Variants in GRK5 observed in about 807,000 individuals in gnomAD.
GRK5 encodes g protein-coupled receptor kinase GRK5.
In GRK5, 40 loss-of-function variants were observed where a neutral mutation model predicts 78.4. That is an observed-to-expected ratio of 0.51 (90% CI 0.40 to 0.66). GRK5 has a LOEUF of 0.66. Among genes scored for constraint, GRK5 ranks in the 30% least tolerant of loss-of-function variants. GRK5 has a pLI of 0.00. For missense variants in GRK5, 598 were observed against 759.9 expected, an observed-to-expected ratio of 0.79 and a Z score of 2.50; for synonymous variants, 289 against 296.8, an observed-to-expected ratio of 0.97 and a Z score of 0.27.
rs1353172322 is a variant in GRK5 at position 119,412,247 on chromosome 10, C to T, written c.340-10919C>T. Reference sequence around the variant, plus strand: ...CAAAAGAGGCACAGTGAGAGCCTTCCAGCCTCGATCACAAGGACCTCTACC... The same window carrying T: ...CAAAAGAGGCACAGTGAGAGCCTTCTAGCCTCGATCACAAGGACCTCTACC... On this transcript the variant is annotated intron_variant, in intron 4 of 15. Coordinates refer to ENST00000392870, the MANE Select transcript of GRK5 (RefSeq NM_005308.3). This position sits in a 1 kb window ranked among gnomAD's most constrained non-coding sequence, Gnocchi z 4.3. 6.6e-6 allele frequency among the ~76,000 whole-genome samples: 1 copy of T among 152,208 alleles called. No homozygotes were observed. The highest frequency in any genetic ancestry group is 2.4e-5 in the African/African-American group (1 of 41,452).
At chr10:119,284,180 G>A (rs1265343968) in intron 1 of GRK5, among the ~76,000 whole-genome samples, 4 of 152,106 alleles carry the variant, frequency 2.6e-5, no homozygotes, top group Non-Finnish European at 5.9e-5. Context: ...ATAAACGTGA[G>A]CCTCTTATGA....
intron 1 of GRK5, among the ~76,000 whole-genome samples, chr10:119,282,727 G>A (rs1217063920): frequency 6.6e-6 from 1 of 152,244 alleles, no homozygotes; most frequent in Non-Finnish European, 1.5e-5. Flanking sequence ...CTGGAGTGGA[G>A]GTGAGATCCC....
chr10:119,444,937 C>T (rs1437793817), intron 12 of GRK5, among the ~76,000 whole-genome samples: 4 of 152,240 alleles, frequency 2.6e-5, no homozygotes, highest in African/African-American at 7.2e-5. Flanking sequence ...GCGCCGCAAG[C>T]GGCCCCAGGA....
At chr10:119,442,472 G>A (rs1342036386) in intron 11 of GRK5, among the ~76,000 whole-genome samples, 3 of 152,212 alleles carry the variant, frequency 2.0e-5, no homozygotes, top group East Asian at 1.9e-4. Context: ...TGAGAGGCGC[G>A]CACAGCTGCT....
At chr10:119,394,312 ACGTGGGTGTGTGTATCTG>A (rs1851968459) in intron 3 of GRK5, among the ~76,000 whole-genome samples, 1 of 2,804 alleles carries the variant, frequency 3.6e-4, no homozygotes, top group East Asian at 0.019. Flanking sequence ...CTGTGTGGGC[ACGTGGGTGTGTGTATCTG>A]TGTGTCTGTG....
intron 2 of GRK5, among the ~76,000 whole-genome samples, chr10:119,363,188 G>A (rs1196515259): frequency 6.6e-6 from 1 of 151,992 alleles, no homozygotes; most frequent in African/African-American, 2.4e-5. Context: ...GGCTGAGGCA[G>A]GAGAATCGCT....
intron 1 of GRK5, among the ~76,000 whole-genome samples, chr10:119,261,078 G>GGGGGGCT (rs1849382803): frequency 7.1e-6 from 1 of 141,668 alleles, no homozygotes; most frequent in African/African-American, 2.6e-5. Context: ...CTGGCCGGGC[G>GGGGGGCT]GAGACGCTCC....
chr10:119,270,605 C>A (rs1233406607), intron 1 of GRK5, among the ~76,000 whole-genome samples: 2 of 152,238 alleles, frequency 1.3e-5, no homozygotes, highest in Non-Finnish European at 2.9e-5. Context: ...TTGTTCACCT[C>A]CATGACAGGC....
chr10:119,276,536 T>C (rs1020189474), intron 1 of GRK5, among the ~76,000 whole-genome samples: 8 of 152,332 alleles, frequency 5.3e-5, no homozygotes, highest in African/African-American at 1.9e-4. Flanking sequence ...GTCTTTGCTA[T>C]TGTGAATAGT....
At chr10:119,404,099 G>T (rs1161486918) in intron 4 of GRK5, among the ~76,000 whole-genome samples, 1 of 152,140 alleles carries the variant, frequency 6.6e-6, no homozygotes, top group East Asian at 1.9e-4. Context: ...GGAACTGCTG[G>T]GCTGTTCTTC....
intron 2 of GRK5, among the ~76,000 whole-genome samples, chr10:119,357,205 A>C (rs999214578): frequency 6.6e-6 from 1 of 152,234 alleles, no homozygotes; most frequent in African/African-American, 2.4e-5. Flanking sequence ...CTGGGTAAGG[A>C]ATAACTGTAA....
chr10:119,325,527 C>T (rs1850660524), intron 1 of GRK5, among the ~76,000 whole-genome samples: 1 of 152,178 alleles, frequency 6.6e-6, no homozygotes, highest in African/African-American at 2.4e-5. Flanking sequence ...AACCAAGGGG[C>T]ACAAAGGGCT....
At chr10:119,294,090 C>CATGT (rs1249806976) in intron 1 of GRK5, among the ~76,000 whole-genome samples, 1 of 152,096 alleles carries the variant, frequency 6.6e-6, no homozygotes, top group Non-Finnish European at 1.5e-5. Flanking sequence ...TGAGGAGACG[C>CATGT]ATGTGTATTT....
intron 1 of GRK5, among the ~76,000 whole-genome samples, chr10:119,304,512 G>A (rs937279019): frequency 1.1e-4 from 16 of 152,024 alleles, no homozygotes; most frequent in Middle Eastern, 3.2e-3. Context: ...GCATTTCCCC[G>A]TCATTCCTCA....
At chr10:119,380,782 G>T (rs1291839642) in intron 2 of GRK5, 33 bp from the exon 3 acceptor site, 12 of 1,380,114 alleles carry the variant, frequency 8.7e-6, no homozygotes, top group Non-Finnish European at 1.2e-5. Context: ...CCTTCTCCTG[G>T]GTCTCATCAC....
At chr10:119,256,095 A>G (rs1849278653) in intron 1 of GRK5, among the ~76,000 whole-genome samples, 1 of 152,066 alleles carries the variant, frequency 6.6e-6, no homozygotes, top group Admixed American at 6.5e-5. Flanking sequence ...AGACACCGAG[A>G]CTTGGTATTG....
chr10:119,314,017 C>G (rs1260040530), intron 1 of GRK5, among the ~76,000 whole-genome samples: 1 of 152,242 alleles, frequency 6.6e-6, no homozygotes, highest in African/African-American at 2.4e-5. Flanking sequence ...CAAGACATTT[C>G]AGACACTCAT....
intron 3 of GRK5, among the ~76,000 whole-genome samples, chr10:119,384,053 C>T (rs1487009108): frequency 6.6e-6 from 1 of 152,180 alleles, no homozygotes; most frequent in African/African-American, 2.4e-5. Flanking sequence ...CACCTTTTCA[C>T]CGTTGGCCTT....
chr10:119,369,553 G>A (rs962703558), intron 2 of GRK5, among the ~76,000 whole-genome samples: 9 of 152,324 alleles, frequency 5.9e-5, no homozygotes, highest in African/African-American at 9.6e-5. Flanking sequence ...TTTTGCAGCT[G>A]TGCTTTTAGG....
Sources: gnomAD v4.1 joint callset for allele counts (sites outside exome capture counted in the v4.1 genomes callset) on GRCh38, gnomAD v4.1.1 for gene constraint, Gnocchi (gnomAD v3.1) non-coding constraint, MANE v1.5 for transcripts, NCBI Gene and HGNC (gene_info 2026-07-23, HGNC 2026-07-21) for gene names.